Variants in RABGAP1 observed in about 807,000 individuals in gnomAD.
The protein encoded by RABGAP1 is RAB GTPase activating protein 1.
A neutral mutation model predicts 137.6 loss-of-function variants in RABGAP1; 23 were observed. The ratio of observed to expected loss-of-function variants is 0.17; its 90% confidence interval spans 0.12 to 0.24. RABGAP1 has a LOEUF of 0.24. RABGAP1 is among the 10% of genes least tolerant of loss of function. The pLI is 1.00. For synonymous variants in RABGAP1, 451 were observed against 450.7 expected (o/e 1.00, Z -0.01); for missense variants, 906 against 1,275.8 (o/e 0.71, Z 4.42).
At chr9:123,086,814 A>T (rs2034881466) in intron 19 of RABGAP1, among the ~76,000 whole-genome samples, 1 of 152,196 alleles carries the variant, frequency 6.6e-6, no homozygotes, top group African/African-American at 2.4e-5. Context: ...TGAAGACAGC[A>T]GAGCTTTGTG....
At chr9:122,950,516 T>A (rs1834187986) in intron 1 of RABGAP1, among the ~76,000 whole-genome samples, 1 of 151,688 alleles carries the variant, frequency 6.6e-6, no homozygotes. Context: ...GAGATGACCA[T>A]AGGACGCATA....
intron 13 of RABGAP1, among the ~76,000 whole-genome samples, chr9:123,036,064 A>C (rs955727653): frequency 5.3e-5 from 8 of 152,230 alleles, no homozygotes; most frequent in African/African-American, 1.9e-4. Flanking sequence ...ACGGAATAGT[A>C]AAATATAAAT....
At chr9:123,014,179 G>C (rs1370912549) in intron 11 of RABGAP1, among the ~76,000 whole-genome samples, 1 of 152,172 alleles carries the variant, frequency 6.6e-6, no homozygotes, top group Non-Finnish European at 1.5e-5. Context: ...AGATATCTTA[G>C]TCCATGTTTA....
chr9:122,934,319 C>T, the RABGAP1 span, among the ~76,000 whole-genome samples: 1 of 151,926 alleles, frequency 6.6e-6, no homozygotes, highest in Non-Finnish European at 1.5e-5. Context: ...ACCTCATGAT[C>T]CGCCCACCTC....
At chr9:123,043,915 T>A (rs1309755793) in intron 13 of RABGAP1, among the ~76,000 whole-genome samples, 1 of 150,276 alleles carries the variant, frequency 6.7e-6, no homozygotes, top group Non-Finnish European at 1.5e-5. Flanking sequence ...TTTTTTTTTT[T>A]TTTGAGACGG....
At chr9:123,081,060 C>T (rs2034692158) in intron 19 of RABGAP1, among the ~76,000 whole-genome samples, 1 of 152,138 alleles carries the variant, frequency 6.6e-6, no homozygotes. Flanking sequence ...ATGAGGACAA[C>T]CAGGATGAAG....
chr9:123,046,720 T>C (rs537818442), intron 13 of RABGAP1, among the ~76,000 whole-genome samples: 1 of 152,322 alleles, frequency 6.6e-6, no homozygotes, highest in African/African-American at 2.4e-5. Flanking sequence ...AGCAGAAGTT[T>C]TAAGTTGAGA....
rs183638742 is a variant in RABGAP1, at chr9:122,947,663, A to G, written c.-50+6570A>G. 1.4e-3 allele frequency among the ~76,000 whole-genome samples: 210 copies of G among 152,302 alleles called. 1 individual carries two copies. Among genetic ancestry groups the G allele is most frequent in the Admixed American group, 0.012 (191 of 15,296 alleles). ...AATTGTCACAGTTACGGTAGGCTCA[A>G]ATTTGCCTAAGCGTGAGTTTTAGAT... On this transcript the variant is annotated intron_variant, in intron 1 of 25. Coordinates refer to ENST00000373647, the MANE Select transcript of RABGAP1 (RefSeq NM_012197.4).
intron 5 of RABGAP1, 27 bp from the exon 6 acceptor site, chr9:122,990,029 C>A (rs1836588517): frequency 6.4e-7 from 1 of 1,551,988 alleles, no homozygotes. Context: ...TTGATAACAG[C>A]CCATTTCCTA....
At position 123,020,413 on chromosome 9, in the gene RABGAP1, A is replaced by G. The variant is rs1231950869; in HGVS notation, c.1748A>G (p.His583Arg). The G allele has an allele frequency of 1.9e-6, 3 of 1,607,348 alleles. No individual in the cohort carries two copies. Among genetic ancestry groups the G allele is most frequent in the Admixed American group, 3.4e-5 (2 of 59,238 alleles). Reference protein sequence around the residue: ...GEVWQLLAGCHNNDHLVEKYR... With the variant: ...GEVWQLLAGCRNNDHLVEKYR... The stretch of plus-strand genomic sequence containing the variant: ...GTCTGGCAGCTGCTAGCAGGCTGTC[A>G]TAACAATGACCACCTGGTAGAGAAA... The change falls in exon 13 of 26, where the codon CAT becomes CGT. Residue 583 changes from histidine (H) to arginine (R), a missense_variant. His to Arg is a conservative substitution (Grantham distance 29, BLOSUM62 0). Around this residue, in one of 9 missense-constraint regions of RABGAP1, gnomAD observed 212 missense variants for 289.4 expected, o/e 0.73. Transcript: ENST00000373647.
intron 4 of RABGAP1, among the ~76,000 whole-genome samples, chr9:122,988,499 A>T (rs1293316992): frequency 1.4e-5 from 2 of 144,008 alleles, no homozygotes; most frequent in Non-Finnish European, 1.5e-5. Context: ...TTTATTCATG[A>T]TTTTTTTTTT....
At chr9:122,946,832 T>C (rs1340797946) in intron 1 of RABGAP1, among the ~76,000 whole-genome samples, 1 of 152,186 alleles carries the variant, frequency 6.6e-6, no homozygotes, top group African/African-American at 2.4e-5. Context: ...TTAACAGAGT[T>C]AAATGAACTC....
intron 12 of RABGAP1, among the ~76,000 whole-genome samples, chr9:123,018,457 T>C (rs1161271029): frequency 6.6e-6 from 1 of 152,222 alleles, no homozygotes; most frequent in East Asian, 1.9e-4. Flanking sequence ...AGCTACTCAG[T>C]TCTACTATTG....
At chr9:123,081,902 T>TAG (rs1344098610) in intron 19 of RABGAP1, among the ~76,000 whole-genome samples, 2 of 152,184 alleles carry the variant, frequency 1.3e-5, no homozygotes, top group Admixed American at 1.3e-4. Flanking sequence ...ACCACCCTAG[T>TAG]AGAACTGAGG....
chr9:122,966,542 AT>A (rs1332999009), intron 2 of RABGAP1, among the ~76,000 whole-genome samples: 1 of 152,094 alleles, frequency 6.6e-6, no homozygotes, highest in Non-Finnish European at 1.5e-5. Context: ...AAAAAAATAA[AT>A]AAAGCTATAG....
intron 13 of RABGAP1, among the ~76,000 whole-genome samples, chr9:123,054,676 C>G (rs1477776716): frequency 6.6e-6 from 1 of 152,160 alleles, no homozygotes; most frequent in Non-Finnish European, 1.5e-5. Context: ...GGTGAGTGCA[C>G]TACATTTAGT....
chr9:123,058,326 C>CA (rs576024979), intron 13 of RABGAP1, among the ~76,000 whole-genome samples: 4 of 145,216 alleles, frequency 2.8e-5, no homozygotes, highest in South Asian at 2.2e-4. Flanking sequence ...TTGTAGTTAG[C>CA]AAAAAAAAAT....
At chr9:122,935,155 T>C in the RABGAP1 span, among the ~76,000 whole-genome samples, 1 of 152,180 alleles carries the variant, frequency 6.6e-6, no homozygotes, top group African/African-American at 2.4e-5. Context: ...TTGTGTATAT[T>C]CTATAGATAT....
At chr9:123,058,816 A>G (rs919289924) in intron 13 of RABGAP1, among the ~76,000 whole-genome samples, 1 of 152,236 alleles carries the variant, frequency 6.6e-6, no homozygotes, top group African/African-American at 2.4e-5. Flanking sequence ...ACAAGGTTTA[A>G]TTTGTTAACT....
Sources: gnomAD v4.1 joint callset for allele counts (sites outside exome capture counted in the v4.1 genomes callset) on GRCh38, gnomAD v4.1.1 for gene constraint, gnomAD v4.1.1 regional missense constraint, MANE v1.5 for transcripts, NCBI Gene and HGNC (gene_info 2026-07-23, HGNC 2026-07-21) for gene names.